The following CACNA1C variants were observed in gnomAD, a reference collection of about 807,000 sequenced individuals.
The protein encoded by CACNA1C is voltage-dependent L-type calcium channel subunit alpha-1C.
A neutral mutation model predicts 229.0 loss-of-function variants in CACNA1C; 30 were observed. The ratio of observed to expected loss-of-function variants is 0.13; its 90% CI spans 0.10 to 0.18. The LOEUF (loss-of-function observed/expected upper bound fraction) is 0.18. CACNA1C is among the 10% of genes least tolerant of loss of function. CACNA1C has a pLI of 1.00. For synonymous variants in CACNA1C, 1,114 were observed against 1,132.5 expected (o/e 0.98, Z 0.33); for missense variants, 1,658 against 2,845.0 (o/e 0.58, Z 9.49).
At chr12:2,270,688 C>G (rs1186536836) in intron 3 of CACNA1C, among the ~76,000 whole-genome samples, 1 of 152,216 alleles carries the variant, frequency 6.6e-6, no homozygotes, top group Non-Finnish European at 1.5e-5. Context: ...GACTCCCTTT[C>G]TGGTTTAAGC....
At chr12:2,289,621 T>G (rs1591795120) in intron 3 of CACNA1C, among the ~76,000 whole-genome samples, 1 of 151,146 alleles carries the variant, frequency 6.6e-6, no homozygotes, top group Non-Finnish European at 1.5e-5. Flanking sequence ...CAGCGGTGGG[T>G]GAGATAAAGG....
intron 30 of CACNA1C, chr12:2,641,503 CCTCCAGCCCCCCTTCTCATT>C: frequency 1.7e-6 from 1 of 575,426 alleles, no homozygotes; most frequent in Middle Eastern, 4.7e-4. Context: ...TTGACATCTC[CCTCCAGCCCCCCTTCTCATT>C]GCTGGAGCCT....
chr12:2,233,759 T>G (rs1346866807), intron 3 of CACNA1C, among the ~76,000 whole-genome samples: 1 of 152,150 alleles, frequency 6.6e-6, no homozygotes, highest in Non-Finnish European at 1.5e-5. Context: ...TAACCAATAC[T>G]CTCTGGTCAG....
At chr12:1,983,993 C>A (rs925579928) in intron 1 of CACNA1C, among the ~76,000 whole-genome samples, 1 of 151,752 alleles carries the variant, frequency 6.6e-6, no homozygotes, top group Admixed American at 6.6e-5. Context: ...GTTTTTTATC[C>A]CTGGTAATTT....
chr12:2,475,053 A>G (rs2099617658), intron 5 of CACNA1C, among the ~76,000 whole-genome samples: 2 of 152,288 alleles, frequency 1.3e-5, no homozygotes, highest in Admixed American at 6.5e-5. Context: ...TAATCCCAGC[A>G]CTTTGGTGGG....
intron 9 of CACNA1C, among the ~76,000 whole-genome samples, chr12:2,535,704 T>TAAAAAAAAAAAAAAAAAAAAAAAAAAAA (rs758857733): frequency 8.2e-5 from 3 of 36,562 alleles, no homozygotes; most frequent in African/African-American, 1.8e-4. Context: ...AGACCCTGTC[T>TAAAAAAAAAAAAAAAAAAAAAAAAAAAA]AAAAAAAAAA....
chr12:2,431,040 G>T (rs2099078457), intron 3 of CACNA1C, among the ~76,000 whole-genome samples: 1 of 152,192 alleles, frequency 6.6e-6, no homozygotes, highest in South Asian at 2.1e-4. Flanking sequence ...TTCATTGACG[G>T]GTGGCCATGG....
chr12:2,454,608 TC>T (rs1359296057), intron 4 of CACNA1C, among the ~76,000 whole-genome samples: 1 of 152,172 alleles, frequency 6.6e-6, no homozygotes, highest in African/African-American at 2.4e-5. Flanking sequence ...CAACCAGAGA[TC>T]TGCTTGGTAC....
intron 8 of CACNA1C, among the ~76,000 whole-genome samples, chr12:2,508,925 C>T (rs1275975329): frequency 6.6e-6 from 1 of 152,194 alleles, no homozygotes; most frequent in African/African-American, 2.4e-5. Context: ...GCTCAATCTC[C>T]AGTCGACTAG....
intron 3 of CACNA1C, among the ~76,000 whole-genome samples, chr12:2,177,839 G>C (rs1009558689): frequency 6.6e-6 from 1 of 151,880 alleles, no homozygotes; most frequent in African/African-American, 2.4e-5. Context: ...ATTTTGCCAT[G>C]TTGGCCAGGC....
At chr12:2,544,566 C>G (rs1054823244) in intron 9 of CACNA1C, among the ~76,000 whole-genome samples, 2 of 152,210 alleles carry the variant, frequency 1.3e-5, no homozygotes, top group Non-Finnish European at 1.5e-5. Context: ...GGCTCAAACA[C>G]ATCTTTATTA....
Position 2,204,971 on chromosome 12 carries a change from C to CA in CACNA1C, c.477+84551dup, listed in dbSNP as rs1001449430. Among the ~76,000 whole-genome samples the CA allele has an allele frequency of 3.0e-3, 444 of 148,492 alleles. 2 individuals carry two copies. Among genetic ancestry groups the CA allele is most frequent in the Middle Eastern group, 6.9e-3 (2 of 288 alleles). ...ATAAATTAATTAAAAAAAACAAAAA[C>CA]AAAAAAAAAACCTCTTAGATACTCA... is the stretch of plus-strand genomic sequence containing the variant. On this transcript the variant is annotated intron_variant, in intron 3 of 46. Coordinates refer to ENST00000399655, the MANE Select transcript of CACNA1C (RefSeq NM_000719.7).
chr12:2,194,770 G>A (rs1285437938), intron 3 of CACNA1C, among the ~76,000 whole-genome samples: 4 of 152,164 alleles, frequency 2.6e-5, no homozygotes, highest in South Asian at 2.1e-4. Context: ...TGACCCTGCC[G>A]TGGAGCACCT....
rs893088166 is a variant in CACNA1C at position 2,181,066 on chromosome 12, A to G, written c.477+60636A>G. On this transcript the variant is annotated intron_variant, in intron 3 of 46. Coordinates refer to ENST00000399655, the MANE Select transcript of CACNA1C (RefSeq NM_000719.7). The surrounding 1 kb of genome is among the most constrained non-coding windows in gnomAD (Gnocchi z 4.0). ...TGGGCAACTGAGTTTTGGAACCTAC[A>G]TATCAGACTCAAATGTTTTCTTCTG... Among the ~76,000 whole-genome samples the G allele has an allele frequency of 4.6e-5, 7 of 152,146 alleles. No individual in the cohort carries two copies. The highest frequency in any genetic ancestry group is 4.6e-4 in the Admixed American group (7 of 15,278).
Position 2,679,839 on chromosome 12 carries a change from C to A in CACNA1C, c.5444+43C>A. 3 of 1,357,212 alleles carry A rather than the reference C, an allele frequency of 2.2e-6. No homozygotes were observed. The highest frequency in any genetic ancestry group is 3.0e-6 in the Non-Finnish European group (3 of 985,466). 84.1% of individuals were successfully genotyped at this position (1,357,212 alleles called of 1,614,324 possible). On this transcript the variant is annotated intron_variant, in intron 42 of 46. Transcript: ENST00000399655. This position sits in a 1 kb window ranked among gnomAD's most constrained non-coding sequence, Gnocchi z 5.5. ...CACCCCAGGCGGCACACAGGGCCCA[C>A]GTGCTGCAACCCTCAGGAGACAGTG...
intron 13 of CACNA1C, among the ~76,000 whole-genome samples, chr12:2,580,431 A>C (rs1372635183): frequency 1.3e-5 from 2 of 152,204 alleles, no homozygotes; most frequent in African/African-American, 2.4e-5. Context: ...AGCAAAAGCA[A>C]TCCACTGTCT....
chr12:2,469,343 C>T (rs61909380), intron 5 of CACNA1C, among the ~76,000 whole-genome samples: 13,266 of 152,178 alleles, frequency 0.087, 769 homozygotes, highest in Non-Finnish European at 0.12. Flanking sequence ...TGCCAGGCAT[C>T]GAGCCACGCG....
intron 34 of CACNA1C, among the ~76,000 whole-genome samples, chr12:2,659,594 C>T (rs942337742): frequency 4.6e-5 from 7 of 152,084 alleles, no homozygotes; most frequent in Non-Finnish European, 1.0e-4. Context: ...AGAAAAAATT[C>T]AGAGCCTGAA....
chr12:1,984,539 C>G (rs968431411), intron 1 of CACNA1C, among the ~76,000 whole-genome samples: 1 of 151,992 alleles, frequency 6.6e-6, no homozygotes, highest in Non-Finnish European at 1.5e-5. Flanking sequence ...ATAGTTGTCA[C>G]ATGTATCACA....
Sources: allele counts gnomAD v4.1 joint callset (sites outside exome capture counted in the v4.1 genomes callset), GRCh38; gene constraint gnomAD v4.1.1; non-coding constraint Gnocchi (gnomAD v3.1); transcripts MANE v1.5; gene names NCBI Gene and HGNC (gene_info 2026-07-23, HGNC 2026-07-21).